PALM2AKAP2: variants seen among roughly 807,000 people sequenced by gnomAD.
PALM2AKAP2 encodes PALM2 and AKAP2 fusion.
A neutral mutation model predicts 71.5 loss-of-function variants in PALM2AKAP2; 37 were observed. That is an observed-to-expected ratio of 0.52 (90% CI 0.40 to 0.68). PALM2AKAP2 has a LOEUF of 0.68. Among genes scored for constraint, PALM2AKAP2 ranks in the 30% least tolerant of loss-of-function variants. The probability of loss-of-function intolerance (pLI) is 0.00; values close to 1 mark genes in which losing one functional copy is unlikely to be tolerated. For missense variants in PALM2AKAP2, 1,224 were observed against 1,191.8 expected (o/e 1.03, Z -0.40); for synonymous variants, 468 against 478.8 (o/e 0.98, Z 0.29).
intron 7 of PALM2AKAP2, among the ~76,000 whole-genome samples, chr9:110,017,789 G>T (rs909191259): frequency 6.6e-6 from 1 of 150,554 alleles, no homozygotes; most frequent in African/African-American, 2.5e-5. Context: ...GTGCAGTAGC[G>T]CAGACTTGGC....
chr9:109,821,891 A>G (rs1040224407), intron 1 of PALM2AKAP2, among the ~76,000 whole-genome samples: 3 of 152,362 alleles, frequency 2.0e-5, no homozygotes, highest in Non-Finnish European at 4.4e-5. Flanking sequence ...ATTGCTTATA[A>G]TAAGCACTTT....
At chr9:109,771,537 C>A (rs1440367033) in intron 1 of PALM2AKAP2, among the ~76,000 whole-genome samples, 1 of 152,170 alleles carries the variant, frequency 6.6e-6, no homozygotes, top group Non-Finnish European at 1.5e-5. Context: ...AATCTCCCTT[C>A]CCCCAAATCA....
intron 6 of PALM2AKAP2, among the ~76,000 whole-genome samples, chr9:109,951,300 G>T (rs1288654173): frequency 6.6e-6 from 1 of 152,208 alleles, no homozygotes; most frequent in Non-Finnish European, 1.5e-5. Flanking sequence ...TGGGCTAGCT[G>T]CTGTACTTTG....
At chr9:109,821,987 T>C (rs1828019279) in intron 1 of PALM2AKAP2, among the ~76,000 whole-genome samples, 2 of 152,258 alleles carry the variant, frequency 1.3e-5, no homozygotes, top group South Asian at 4.1e-4. Context: ...CCTTCTCTTA[T>C]TCATCCACTG....
rs114356971 is a variant in PALM2AKAP2 at position 109,892,126 on chromosome 9, A to T, written c.257+11445A>T. ...AAATTTCTACACGTTCGTGGCTTAAAACAGCTCCAGAGGCCAGAAGTCCAA... is the reference window on the plus strand; with the variant it reads ...AAATTTCTACACGTTCGTGGCTTAATACAGCTCCAGAGGCCAGAAGTCCAA... On this transcript the variant is annotated intron_variant, in intron 3 of 9. Transcript: ENST00000302798. Among the ~76,000 whole-genome samples the T allele has an allele frequency of 3.4e-3, 517 of 152,272 alleles. 5 individuals carry two copies. Among genetic ancestry groups the T allele is most frequent in the African/African-American group, 0.012 (500 of 41,546 alleles).
At chr9:110,015,238 T>G (rs1032957166) in intron 6 of PALM2AKAP2, among the ~76,000 whole-genome samples, 1 of 152,206 alleles carries the variant, frequency 6.6e-6, no homozygotes, top group African/African-American at 2.4e-5. Context: ...TGTGTATTTC[T>G]GTGTTCTGGG....
chr9:109,835,286 G>A (rs1223618253), intron 1 of PALM2AKAP2, among the ~76,000 whole-genome samples: 1 of 148,406 alleles, frequency 6.7e-6, no homozygotes, highest in African/African-American at 2.5e-5. Context: ...GAGAGGTAGA[G>A]GGGAGGGTGG....
At chr9:110,107,258 C>T (rs1835140776) in intron 1 of PALM2AKAP2, among the ~76,000 whole-genome samples, 1 of 152,140 alleles carries the variant, frequency 6.6e-6, no homozygotes, top group East Asian at 1.9e-4. Context: ...GTTCCCCACA[C>T]AAAGAAATGG....
chr9:109,863,787 C>T lies in PALM2AKAP2; in HGVS notation c.46-3704C>T, dbSNP rs144488660. 2.3e-3 allele frequency among the ~76,000 whole-genome samples: 341 copies of T among 149,102 alleles called. 5 individuals are homozygous for T. In the East Asian group the frequency reaches 0.03, roughly 13 times the overall value. On this transcript the variant is annotated intron_variant, in intron 1 of 9. Transcript: ENST00000302798. ...TGTCCACCTAGAAGTGACTTTAAGA[C>T]CATCACTATGGGCTGGGTTCGGAGG...
chr9:109,640,943 C>A, intron 1 of PALM2AKAP2: 2 of 1,450,262 alleles, frequency 1.4e-6, no homozygotes, highest in Non-Finnish European at 1.8e-6. Flanking sequence ...GCAGGCAGAT[C>A]CCGCTCGGGT....
chr9:109,895,709 T>A (rs1830183048), intron 3 of PALM2AKAP2, among the ~76,000 whole-genome samples: 1 of 152,182 alleles, frequency 6.6e-6, no homozygotes, highest in Non-Finnish European at 1.5e-5. Flanking sequence ...AATATTGTAT[T>A]TAAGTCTGTT....
intron 6 of PALM2AKAP2, among the ~76,000 whole-genome samples, chr9:109,961,711 C>A (rs745726739): frequency 6.6e-6 from 1 of 152,200 alleles, no homozygotes; most frequent in African/African-American, 2.4e-5. Context: ...GGCAATTCTC[C>A]ATGATACAGA....
intron 6 of PALM2AKAP2, among the ~76,000 whole-genome samples, chr9:109,958,400 C>G (rs919569433): frequency 6.6e-6 from 1 of 152,140 alleles, no homozygotes; most frequent in African/African-American, 2.4e-5. Flanking sequence ...TGTAAAGGGA[C>G]CCATGGACTG....
chr9:109,724,514 A>G (rs1037454710), intron 1 of PALM2AKAP2, among the ~76,000 whole-genome samples: 3 of 125,430 alleles, frequency 2.4e-5, no homozygotes, highest in African/African-American at 9.2e-5. Context: ...TAACTAAAAC[A>G]GTAAGGTACT....
chr9:109,649,731 C>T (rs72750844), intron 1 of PALM2AKAP2, among the ~76,000 whole-genome samples: 18,207 of 152,148 alleles, frequency 0.12, 1,440 homozygotes, highest in East Asian at 0.22. Flanking sequence ...ACTATTTGCC[C>T]AAGAATAGGT....
chr9:110,000,820 A>G (rs1196400575), intron 6 of PALM2AKAP2, among the ~76,000 whole-genome samples: 1 of 152,164 alleles, frequency 6.6e-6, no homozygotes. Flanking sequence ...CCTTTTGAGA[A>G]GTGTCTGTTC....
chr9:109,802,571 A>C (rs921877283), intron 1 of PALM2AKAP2, among the ~76,000 whole-genome samples: 9 of 152,196 alleles, frequency 5.9e-5, no homozygotes, highest in African/African-American at 1.9e-4. Context: ...GCTTTCCTCC[A>C]TGTGGTTTCT....
intron 6 of PALM2AKAP2, among the ~76,000 whole-genome samples, chr9:109,955,324 T>G (rs571909163): frequency 6.6e-6 from 1 of 152,342 alleles, no homozygotes; most frequent in East Asian, 1.9e-4. Context: ...CTAGTGCTTT[T>G]GCTACAGAGG....
chr9:110,040,874 A>ACATT (rs1833500708), intron 7 of PALM2AKAP2, among the ~76,000 whole-genome samples: 1 of 152,234 alleles, frequency 6.6e-6, no homozygotes, highest in Admixed American at 6.5e-5. Context: ...CAAGCTGTGT[A>ACATT]CATTCCAAGT....
Sources: allele counts gnomAD v4.1 joint callset (sites outside exome capture counted in the v4.1 genomes callset), GRCh38; gene constraint gnomAD v4.1.1; transcripts MANE v1.5; gene names NCBI Gene and HGNC (gene_info 2026-07-23, HGNC 2026-07-21).